Variants in OPRM1 observed in about 807,000 individuals in gnomAD.
OPRM1 encodes the protein opioid receptor mu 1, also known as mu-type opioid receptor.
In OPRM1, 27 loss-of-function variants were observed where a neutral mutation model predicts 31.8. The observed-to-expected ratio is 0.85, with a 90% CI of 0.63 to 1.17. The LOEUF (loss-of-function observed/expected upper bound fraction) is 1.17. OPRM1 is among the 50% of genes most tolerant of loss of function. The pLI is 0.00. For synonymous variants in OPRM1, 196 were observed against 189.9 expected, an observed-to-expected ratio of 1.03 and a Z score of -0.26; for missense variants, 536 against 511.1, an observed-to-expected ratio of 1.05 and a Z score of -0.47.
intron 2 of OPRM1, among the ~76,000 whole-genome samples, 187 bp downstream of exon 2, chr6:154,090,365 T>C (rs1791820453): frequency 6.6e-6 from 1 of 152,248 alleles, no homozygotes; most frequent in Middle Eastern, 3.2e-3. Flanking sequence ...TTTAGGCCTA[T>C]TAAATCCTTT....
At chr6:154,024,819 A>G (rs758911750) in intron 1 of OPRM1, among the ~76,000 whole-genome samples, 15 of 151,800 alleles carry the variant, frequency 9.9e-5, no homozygotes, top group Non-Finnish European at 1.8e-4. Context: ...TCAGGAATAT[A>G]TTGTTTAATT....
intron 1 of OPRM1, among the ~76,000 whole-genome samples, chr6:154,078,485 A>AT (rs1788360395): frequency 6.6e-6 from 1 of 152,240 alleles, no homozygotes; most frequent in Non-Finnish European, 1.5e-5. Context: ...CCATTATAGA[A>AT]TTTTGAAAGC....
Position 154,039,808 on chromosome 6 carries a change from C to T in OPRM1, c.264C>T (p.Asn88=), listed in dbSNP as rs1779670968. ...TGTGCGTGGTGGGGCTCTTCGGAAA[C>T]TTCCTGGTCATGTATGTGATTGTCA... ...SIVCVVGLFG[N]FLVMYVIVRY... The change falls in exon 1 of 4, where the codon AAC becomes AAT. Residue 88 remains asparagine (N), a synonymous_variant. Coordinates refer to ENST00000330432, the MANE Select transcript of OPRM1 (RefSeq NM_000914.5). 6.3e-7 allele frequency: 1 copy of T among 1,593,610 alleles called. No individual in the cohort carries two copies.
chr6:154,176,846 A>C (rs1007490968), intron 3 of OPRM1, among the ~76,000 whole-genome samples: 1 of 152,152 alleles, frequency 6.6e-6, no homozygotes, highest in East Asian at 1.9e-4. Context: ...ATCCTGAGCA[A>C]AAAGAACAAA....
chr6:154,089,302 C>T (rs1362801842), intron 1 of OPRM1, among the ~76,000 whole-genome samples: 1 of 152,024 alleles, frequency 6.6e-6, no homozygotes, highest in Non-Finnish European at 1.5e-5. Flanking sequence ...AAATTAAAAC[C>T]CTCACTGCGT....
chr6:154,155,577 A>C (rs1798678480), intron 3 of OPRM1: 1 of 152,170 alleles, frequency 6.6e-6, no homozygotes, highest in African/African-American at 2.4e-5. Context: ...CAGGCAGATC[A>C]CCTGAGGTCA....
intron 3 of OPRM1, among the ~76,000 whole-genome samples, chr6:154,114,877 A>T (rs575623968): frequency 2.9e-5 from 4 of 137,686 alleles, no homozygotes; most frequent in Admixed American, 7.1e-5. Context: ...AATTCTAATT[A>T]AAAAAAAAAA....
At chr6:154,133,220 GA>G (rs768119779), downstream of OPRM1, among the ~76,000 whole-genome samples, 1 of 152,038 alleles carries the variant, frequency 6.6e-6, no homozygotes, top group Non-Finnish European at 1.5e-5. Context: ...CTTTTGAAAA[GA>G]AAAAGCTATG....
At chr6:154,084,073 C>G (rs1789883443) in intron 1 of OPRM1, among the ~76,000 whole-genome samples, 2 of 151,816 alleles carry the variant, frequency 1.3e-5, no homozygotes, top group Non-Finnish European at 2.9e-5. Flanking sequence ...ATACAGGCCT[C>G]TCCCCGTCTT....
At chr6:154,058,002 T>C (rs1188215720) in intron 1 of OPRM1, among the ~76,000 whole-genome samples, 1 of 152,226 alleles carries the variant, frequency 6.6e-6, no homozygotes, top group Admixed American at 6.5e-5. Flanking sequence ...AGAAATTGTC[T>C]GCATATAAAC....
rs746881246 is a variant in OPRM1 at position 154,039,504 on chromosome 6, T to C, written c.-41T>C. 2.5e-6 allele frequency: 4 copies of C among 1,580,060 alleles called. No homozygotes were observed. The highest frequency in any genetic ancestry group is 2.3e-5 in the South Asian group (2 of 86,638). ...GGAACCCGAAAAGTCTCGGTGCTCC[T>C]GGCTACCTCGCACAGCGGTGCCCGC... On this transcript the variant is annotated 5_prime_UTR_variant, in exon 1 of 4. Transcript: ENST00000330432.
intron 1 of OPRM1, among the ~76,000 whole-genome samples, chr6:154,011,268 A>G (rs767521844): frequency 3.3e-5 from 5 of 152,130 alleles, no homozygotes; most frequent in African/African-American, 9.7e-5. Flanking sequence ...AGTGATTTTT[A>G]TGCCAAATTA....
At chr6:154,155,319 T>C (rs1023300083) in intron 3 of OPRM1, 1 of 152,282 alleles carries the variant, frequency 6.6e-6, no homozygotes, top group Admixed American at 6.5e-5. Context: ...ATCTCCCAGT[T>C]CTAGGATTCA....
chr6:154,159,782 G>A, intron 3 of OPRM1: 2 of 1,430,410 alleles, frequency 1.4e-6, no homozygotes, highest in Non-Finnish European at 2.0e-6. Flanking sequence ...ACATCTTGAA[G>A]AGTTGCTTGT....
At chr6:154,040,679 T>G (rs1039623267) in intron 1 of OPRM1, among the ~76,000 whole-genome samples, 9 of 152,152 alleles carry the variant, frequency 5.9e-5, no homozygotes, top group African/African-American at 2.2e-4. Context: ...TAATTCCACA[T>G]TAGAAACTGC....
rs911179782 is a variant in OPRM1, at chr6:154,121,239, A to T, written c.*2518A>T. ...GGCGGAAGCTTTGTTTCTTTACCTG[A>T]TCACTTGCTGTGGAAATTCTAGCTT... On this transcript the variant is annotated 3_prime_UTR_variant, in exon 4 of 4. Transcript: ENST00000330432. 2.6e-4 allele frequency among the ~76,000 whole-genome samples: 39 copies of T among 152,166 alleles called. No individual in the cohort carries two copies. Among genetic ancestry groups the T allele is most frequent in the African/African-American group, 8.9e-4 (37 of 41,434 alleles).
Position 154,039,748 on chromosome 6 carries a change from C to G in OPRM1, c.204C>G (p.Ile68Met), listed in dbSNP as rs1583173318. Reference sequence around the variant, plus strand: ...CTCCGACCGGCAGTCCCTCCATGATCACGGCCATCACGATCATGGCCCTCT... The same window carrying G: ...CTCCGACCGGCAGTCCCTCCATGATGACGGCCATCACGATCATGGCCCTCT... ...LCPPTGSPSM[I>M]TAITIMALYS... The change falls in exon 1 of 4, where the codon ATC (isoleucine) becomes ATG (methionine). Residue 68 changes from isoleucine to methionine, a missense_variant. Ile to Met is a conservative substitution (Grantham distance 10). Coordinates refer to ENST00000330432, the MANE Select transcript of OPRM1 (RefSeq NM_000914.5). 6.2e-7 allele frequency: 1 copy of G among 1,607,656 alleles called. No individual in the cohort carries two copies. Among genetic ancestry groups the G allele is most frequent in the Non-Finnish European group, 8.5e-7 (1 of 1,179,982 alleles).
At chr6:154,176,800 A>C (rs2128562373) in intron 3 of OPRM1, among the ~76,000 whole-genome samples, 1 of 152,296 alleles carries the variant, frequency 6.6e-6, no homozygotes, top group East Asian at 1.9e-4. Context: ...ACAGAATTGG[A>C]AAAAACTACT....
intron 1 of OPRM1, among the ~76,000 whole-genome samples, chr6:154,031,982 C>T (rs1453868650): frequency 6.6e-6 from 1 of 152,134 alleles, no homozygotes; most frequent in Non-Finnish European, 1.5e-5. Flanking sequence ...GGGGAGCCAA[C>T]AAGCATGATC....
Sources: gnomAD v4.1 joint callset for allele counts (sites outside exome capture counted in the v4.1 genomes callset) on GRCh38, gnomAD v4.1.1 for gene constraint, MANE v1.5 for transcripts, NCBI Gene and HGNC (gene_info 2026-07-23, HGNC 2026-07-21) for gene names.